Variants in ENO4 observed in about 807,000 individuals in gnomAD.
The protein encoded by ENO4 is 2-phospho-D-glycerate hydro-lyase.
In ENO4, 53 loss-of-function variants were observed where a neutral mutation model predicts 63.2. The ratio of observed to expected loss-of-function variants is 0.84; its 90% CI spans 0.67 to 1.05. The LOEUF (loss-of-function observed/expected upper bound fraction) is 1.05, where lower values mean the gene tolerates loss of function less well. Among genes scored for constraint, ENO4 ranks in the 50% least tolerant of loss-of-function variants. The probability of loss-of-function intolerance (pLI) is 0.00; values close to 1 mark genes in which losing one functional copy is unlikely to be tolerated. For synonymous variants in ENO4, 266 were observed against 283.8 expected (o/e 0.94, Z 0.63); for missense variants, 719 against 772.0 (o/e 0.93, Z 0.81).
intron 1 of ENO4, 47 bp downstream of exon 1, chr10:116,849,778 C>A (rs540321086): frequency 7.8e-5 from 114 of 1,464,946 alleles, no homozygotes; most frequent in South Asian, 6.7e-4. Flanking sequence ...CCCTCTCCCC[C>A]CGCCCCGCGC....
Position 116,879,928 on chromosome 10 carries a change from G to A in ENO4, c.1665G>A (p.Val555=), listed in dbSNP as rs1846955797. Reference sequence around the variant, plus strand: ...GGGGTCTTTCCCGTGGTGAACGAGTGACTAAATACAACCGCCTTCTCACTA... The same window carrying A: ...GGGGTCTTTCCCGTGGTGAACGAGTAACTAAATACAACCGCCTTCTCACTA... ...KLGGLSRGER[V]TKYNRLLTIE... Residue 555 remains valine, a synonymous_variant, in exon 13 of 14, where the codon GTG becomes GTA. Coordinates refer to ENST00000341276, the MANE Select transcript of ENO4 (RefSeq NM_001242699.2). 6.4e-7 allele frequency: 1 copy of A among 1,550,730 alleles called. No homozygotes were observed.
intron 1 of ENO4, 100 bp downstream of exon 1, chr10:116,849,831 C>A: frequency 7.5e-7 from 1 of 1,336,166 alleles, no homozygotes; most frequent in Non-Finnish European, 1.0e-6. Flanking sequence ...CAGAATCTCG[C>A]ATGCCAGCCG....
chr10:116,897,924 T>G (rs772684543), intron 10 of ENO4, among the ~76,000 whole-genome samples: 29 of 152,204 alleles, frequency 1.9e-4, no homozygotes, highest in Non-Finnish European at 3.8e-4. Flanking sequence ...CTACAGGCTT[T>G]TATTGATTAA....
In ENO4 at chr10:116,855,605, C is replaced by CTTTTTTTTTTT; in HGVS notation, c.166-14_166-13insTTTTTTTTTTT. On this transcript the variant is annotated splice_polypyrimidine_tract_variant and intron_variant, in intron 1 of 13. Transcript: ENST00000341276. ...CAACTTGAACCAGATGATTTTTGTT[C>CTTTTTTTTTTT]TTTTGTGTGTGTTGAAGGCAAACTG... 1 of 1,535,806 alleles carries CTTTTTTTTTTT rather than the reference C, an allele frequency of 6.5e-7. No individual in the cohort carries two copies. Among genetic ancestry groups the CTTTTTTTTTTT allele is most frequent in the Non-Finnish European group, 8.7e-7 (1 of 1,146,770 alleles).
At position 116,868,676 on chromosome 10, in the gene ENO4, A is replaced by G. The variant is rs1564849410; in HGVS notation, c.1017A>G (p.Lys339=). The G allele has an allele frequency of 7.7e-6, 12 of 1,550,454 alleles. No individual in the cohort carries two copies. In the South Asian group the frequency reaches 9.5e-5, roughly 12 times the overall value. ...EMPSPPKAET[K]KGHDGSKRGQ... is the part of the protein sequence containing the mutation. ...CCTCTCCTCCAAAAGCAGAGACAAA[A>G]AAAGGGCACGATGGAAGCAAAAGAG... Residue 339 remains lysine, a synonymous_variant, in exon 8 of 14, where the codon AAA becomes AAG. Coordinates refer to ENST00000341276, the MANE Select transcript of ENO4 (RefSeq NM_001242699.2).
Position 116,861,072 on chromosome 10 carries a change from C to T in ENO4, c.818C>T (p.Thr273Met), listed in dbSNP as rs763445380. 2.3e-5 allele frequency: 35 copies of T among 1,549,332 alleles called. No homozygotes were observed. Among genetic ancestry groups the T allele is most frequent in the Middle Eastern group, 3.3e-4 (2 of 5,988 alleles). Residue 273 changes from threonine to methionine, a missense_variant, in exon 6 of 14, where the codon ACG becomes ATG. Transcript: ENST00000341276. ...CCCCTATTTCAGGAACAGCCAACAA[C>T]GCTATCTATGCCTTTGCTGATGGTA... The part of the protein sequence containing the change: ...LLKHNQEQPT[T>M]LSMPLLMVSL...
intron 10 of ENO4, among the ~76,000 whole-genome samples, chr10:116,895,274 C>T (rs1847479243): frequency 6.6e-6 from 1 of 151,972 alleles, no homozygotes; most frequent in Admixed American, 6.6e-5. Flanking sequence ...TTAAAATGTT[C>T]AATAAAATAA....
intron 10 of ENO4, among the ~76,000 whole-genome samples, chr10:116,900,136 T>C (rs546978126): frequency 6.6e-6 from 1 of 152,358 alleles, no homozygotes; most frequent in Admixed American, 6.5e-5. Context: ...GGTAAATTAC[T>C]GTCAATATGA....
chr10:116,870,945 C>T (rs1017850423), intron 8 of ENO4, among the ~76,000 whole-genome samples, 180 bp from the exon 9 acceptor site: 2 of 152,122 alleles, frequency 1.3e-5, no homozygotes, highest in Non-Finnish European at 2.9e-5. Context: ...GAAAATTACT[C>T]CCAGATACTG....
At chr10:116,879,135 G>A (rs1029141854) in intron 11 of ENO4, among the ~76,000 whole-genome samples, 156 bp from the exon 12 acceptor site, 14 of 152,100 alleles carry the variant, frequency 9.2e-5, no homozygotes, top group African/African-American at 3.4e-4. Context: ...CAAAAGCAGG[G>A]CAATAAAAAT....
chr10:116,880,481 T>C (rs1264770036), intron 13 of ENO4, among the ~76,000 whole-genome samples: 1 of 152,234 alleles, frequency 6.6e-6, no homozygotes, highest in Non-Finnish European at 1.5e-5. Context: ...TAGAAGCACC[T>C]TGTATACTGG....
intron 8 of ENO4, 106 bp downstream of exon 8, chr10:116,868,812 G>A: frequency 1.0e-6 from 1 of 992,314 alleles, no homozygotes; most frequent in Non-Finnish European, 1.6e-6. Context: ...CAGGACTGAG[G>A]CAAATGGAAA....
intron 10 of ENO4, among the ~76,000 whole-genome samples, chr10:116,905,195 C>A (rs1227499126): frequency 7.8e-6 from 1 of 128,530 alleles, no homozygotes; most frequent in Non-Finnish European, 1.5e-5. Context: ...GGCGACAGAG[C>A]GAGACTCCGT....
At chr10:116,878,789 G>GCCGGA in intron 11 of ENO4, among the ~76,000 whole-genome samples, 1 of 127,186 alleles carries the variant, frequency 7.9e-6, no homozygotes, top group Middle Eastern at 6.6e-3. Flanking sequence ...GTCGCCCAGA[G>GCCGGA]CTGGAGTGCA....
chr10:116,890,684 C>A (rs747490597), intron 10 of ENO4, among the ~76,000 whole-genome samples: 2 of 152,190 alleles, frequency 1.3e-5, no homozygotes, highest in African/African-American at 4.8e-5. Flanking sequence ...ACTTGGGTGA[C>A]CTTTTAGAAA....
chr10:116,861,468 G>C (rs1445221402), intron 6 of ENO4, among the ~76,000 whole-genome samples: 4 of 152,140 alleles, frequency 2.6e-5, no homozygotes, highest in Admixed American at 1.3e-4. Flanking sequence ...GAAAGTGCTG[G>C]AAGGTTGTTA....
intron 10 of ENO4, among the ~76,000 whole-genome samples, 178 bp from the exon 11 acceptor site, chr10:116,875,887 C>T (rs2133277343): frequency 6.6e-6 from 1 of 152,236 alleles, no homozygotes; most frequent in Admixed American, 6.5e-5. Flanking sequence ...TTTCTGTTTC[C>T]CAAAGCTTCT....
Position 116,879,991 on chromosome 10 carries a change from G to C in ENO4, c.1723+5G>C, listed in dbSNP as rs1225465440. On this transcript the variant is annotated splice_donor_5th_base_variant and intron_variant, in intron 13 of 13. Transcript: ENST00000341276. Reference sequence around the variant, plus strand: ...TTGTCCAGAATGGAACACTGGGTATGCGCTGCTTTCTTGCTTTGTTTCCAC... The same window carrying C: ...TTGTCCAGAATGGAACACTGGGTATCCGCTGCTTTCTTGCTTTGTTTCCAC... The C allele has an allele frequency of 6.5e-7, 1 of 1,533,144 alleles. No individual in the cohort carries two copies. Among genetic ancestry groups the C allele is most frequent in the Non-Finnish European group, 8.8e-7 (1 of 1,132,316 alleles). The allele number at this position is 1,533,144 out of a possible 1,614,324, so 95.0% of individuals were successfully genotyped here.
chr10:116,854,940 C>CA (rs71013620), intron 1 of ENO4, among the ~76,000 whole-genome samples: 444 of 41,502 alleles, frequency 0.011, 27 homozygotes, highest in African/African-American at 0.027. Flanking sequence ...GACCCTGTCT[C>CA]AAAAAAAAAA....
Sources: allele counts gnomAD v4.1 joint callset (sites outside exome capture counted in the v4.1 genomes callset), GRCh38; gene constraint gnomAD v4.1.1; transcripts MANE v1.5; gene names NCBI Gene and HGNC (gene_info 2026-07-23, HGNC 2026-07-21).